The following LINGO2 variants were observed in gnomAD, a reference collection of about 807,000 sequenced individuals.
LINGO2 encodes the protein leucine rich repeat and Ig domain containing 2.
LINGO2 carries 14 observed loss-of-function variants against 30.6 expected under a neutral mutation model. That is an observed-to-expected ratio of 0.46 (90% CI 0.30 to 0.72). The LOEUF is 0.72. Among genes scored for constraint, LINGO2 ranks in the 30% least tolerant of loss-of-function variants. The pLI, the probability that LINGO2 is intolerant of heterozygous loss-of-function variation, is 0.07. For missense variants in LINGO2, 729 were observed against 751.7 expected (o/e 0.97, Z 0.35); for synonymous variants, 317 against 288.5 (o/e 1.10, Z -1.00).
intron 4 of LINGO2, among the ~76,000 whole-genome samples, chr9:28,164,714 C>T (rs1828379314): frequency 6.6e-6 from 1 of 152,138 alleles, no homozygotes; most frequent in Non-Finnish European, 1.5e-5. Context: ...TTTGAGCTGG[C>T]CGGTTCACCC....
At chr9:28,961,274 C>T in the LINGO2 span, among the ~76,000 whole-genome samples, 1 of 152,048 alleles carries the variant, frequency 6.6e-6, no homozygotes, top group African/African-American at 2.4e-5. Flanking sequence ...CAGACAGGCC[C>T]TGAATTTCTA....
chr9:28,582,731 C>T (rs998180470), intron 1 of LINGO2, among the ~76,000 whole-genome samples: 1 of 152,058 alleles, frequency 6.6e-6, no homozygotes, highest in Non-Finnish European at 1.5e-5. Flanking sequence ...AAGATTTTGC[C>T]TTACAAACGC....
At chr9:28,358,429 A>G (rs1190553824) in intron 3 of LINGO2, among the ~76,000 whole-genome samples, 1 of 152,128 alleles carries the variant, frequency 6.6e-6, no homozygotes, top group African/African-American at 2.4e-5. Context: ...TTAATTGATC[A>G]GTCACAAATG....
At position 28,253,986 on chromosome 9, in the gene LINGO2, T is replaced by C. The variant is rs1273909903; in HGVS notation, c.-87+41222A>G. ...GGGAAGCGTACTAGTCGGACTCTTG[T>C]TCAGGAGAGAGTCCTTTTTTTCCCT... On this transcript the variant is annotated intron_variant, in intron 4 of 5. Coordinates refer to ENST00000379992, the Ensembl canonical transcript of LINGO2. 2.0e-5 allele frequency among the ~76,000 whole-genome samples: 3 copies of C among 152,094 alleles called. No individual in the cohort carries two copies. In the East Asian group the frequency reaches 5.8e-4, roughly 29 times the overall value.
intron 4 of LINGO2, among the ~76,000 whole-genome samples, chr9:28,131,541 G>A (rs1827378434): frequency 6.6e-6 from 1 of 152,082 alleles, no homozygotes; most frequent in Admixed American, 6.5e-5. Context: ...TGAATATAAT[G>A]GAGGGAAGAA....
intron 4 of LINGO2, among the ~76,000 whole-genome samples, chr9:28,159,637 GA>G (rs10714084): frequency 0.92 from 138,959 of 151,746 alleles, 63,740 homozygotes; most frequent in East Asian, 0.98. Context: ...GAATAGTTAT[GA>G]AAAAAAAACA....
intron 2 of LINGO2, among the ~76,000 whole-genome samples, chr9:28,431,162 G>T (rs2134950835): frequency 6.6e-6 from 1 of 152,032 alleles, no homozygotes; most frequent in African/African-American, 2.4e-5. Context: ...ATTGAAAGCA[G>T]TAAGTCTGGC....
chr9:28,479,956 T>TGC (rs1825894174), intron 1 of LINGO2, among the ~76,000 whole-genome samples: 1 of 105,052 alleles, frequency 9.5e-6, no homozygotes, highest in Non-Finnish European at 2.0e-5. Flanking sequence ...TATATATATA[T>TGC]GTACATTTTG....
the LINGO2 span, among the ~76,000 whole-genome samples, chr9:28,980,999 C>T: frequency 2.0e-5 from 3 of 152,006 alleles, no homozygotes; most frequent in Non-Finnish European, 2.9e-5. Context: ...AGGGGTGAAA[C>T]CGTACCTTAC....
At chr9:28,733,699 A>G in the LINGO2 span, among the ~76,000 whole-genome samples, 7 of 152,104 alleles carry the variant, frequency 4.6e-5, no homozygotes, top group Non-Finnish European at 7.4e-5. Flanking sequence ...TCATTACTCA[A>G]GTTAACCTCT....
chr9:28,421,487 G>GAA (rs55821781), intron 2 of LINGO2, among the ~76,000 whole-genome samples: 43,444 of 142,600 alleles, frequency 0.3, 7,402 homozygotes, highest in Non-Finnish European at 0.38. Flanking sequence ...AAAACGTCTT[G>GAA]AAAAAAAAAA....
the LINGO2 span, among the ~76,000 whole-genome samples, chr9:29,011,688 T>A: frequency 1.3e-5 from 2 of 152,186 alleles, no homozygotes; most frequent in African/African-American, 4.8e-5. Flanking sequence ...TCTTAAATTA[T>A]CATCCATCAT....
At chr9:28,591,941 A>G (rs1226340108) in intron 1 of LINGO2, among the ~76,000 whole-genome samples, 1 of 152,032 alleles carries the variant, frequency 6.6e-6, no homozygotes, top group African/African-American at 2.4e-5. Context: ...CCTGGCAGCA[A>G]TCACAATGGG....
intron 4 of LINGO2, among the ~76,000 whole-genome samples, chr9:28,233,061 T>TACAA (rs60875467): frequency 0.026 from 3,095 of 118,732 alleles, 106 homozygotes; most frequent in Admixed American, 0.059. Context: ...TATATATATA[T>TACAA]TAGATATATA....
At chr9:28,548,247 C>A (rs949227518) in intron 1 of LINGO2, among the ~76,000 whole-genome samples, 1 of 151,982 alleles carries the variant, frequency 6.6e-6, no homozygotes, top group Non-Finnish European at 1.5e-5. Flanking sequence ...GGGACTGTTA[C>A]GTAGGATAAA....
the LINGO2 span, among the ~76,000 whole-genome samples, chr9:29,098,694 C>A: frequency 6.6e-6 from 1 of 152,052 alleles, no homozygotes; most frequent in African/African-American, 2.4e-5. Context: ...ACTTATAATT[C>A]ATGATACTGC....
chr9:28,875,447 T>A, the LINGO2 span, among the ~76,000 whole-genome samples: 1 of 152,136 alleles, frequency 6.6e-6, no homozygotes, highest in African/African-American at 2.4e-5. Context: ...TTCACCTATA[T>A]GTTTACAATA....
intron 4 of LINGO2, among the ~76,000 whole-genome samples, chr9:28,016,684 A>T (rs1270021551): frequency 3.3e-3 from 21 of 6,364 alleles, no homozygotes; most frequent in African/African-American, 5.8e-3. Flanking sequence ...TAAACCAGTA[A>T]AAAAAAAAAA....
chr9:28,026,773 C>T (rs1459444835), intron 4 of LINGO2, among the ~76,000 whole-genome samples: 5 of 152,180 alleles, frequency 3.3e-5, no homozygotes, highest in Admixed American at 6.5e-5. Context: ...GTAACCACAT[C>T]CTTATTCTCT....
Sources: allele counts gnomAD v4.1 joint callset (sites outside exome capture counted in the v4.1 genomes callset), GRCh38; gene constraint gnomAD v4.1.1; transcripts MANE v1.5; gene names NCBI Gene and HGNC (gene_info 2026-07-23, HGNC 2026-07-21).